SEC24B: variants seen among roughly 807,000 people sequenced by gnomAD.
SEC24B encodes the protein SEC24 homolog B, COPII component.
In SEC24B, 45 loss-of-function variants were observed where a neutral mutation model predicts 142.8. The ratio of observed to expected loss-of-function variants is 0.32; its 90% CI spans 0.25 to 0.40. The LOEUF is 0.40. Ranked by LOEUF, SEC24B falls within the 10% of genes least tolerant of loss-of-function variation. The pLI is 1.00. For synonymous variants in SEC24B, 574 were observed against 568.2 expected (o/e 1.01, Z -0.15); for missense variants, 1,409 against 1,526.8 (o/e 0.92, Z 1.29).
At chr4:109,493,683 C>T (rs933005165) in intron 5 of SEC24B, among the ~76,000 whole-genome samples, 1 of 150,654 alleles carries the variant, frequency 6.6e-6, no homozygotes, top group African/African-American at 2.5e-5. Flanking sequence ...GGCTGGAGTG[C>T]AATGGCGCAA....
intron 2 of SEC24B, among the ~76,000 whole-genome samples, chr4:109,464,272 T>C (rs1454368023): frequency 3.3e-5 from 5 of 151,938 alleles, no homozygotes; most frequent in African/African-American, 9.7e-5. Flanking sequence ...TTAAAAATTA[T>C]GTATGTAAGA....
intron 1 of SEC24B, among the ~76,000 whole-genome samples, chr4:109,455,552 T>C (rs1336622006): frequency 1.3e-5 from 2 of 152,224 alleles, no homozygotes; most frequent in Admixed American, 6.5e-5. Flanking sequence ...GTGATTCATT[T>C]TGACTTAATT....
chr4:109,461,385 A>G (rs557161118), intron 1 of SEC24B, among the ~76,000 whole-genome samples: 1 of 152,346 alleles, frequency 6.6e-6, no homozygotes, highest in African/African-American at 2.4e-5. Context: ...AATTTGTCTT[A>G]TAGCTTCATC....
chr4:109,473,238 A>G (rs1403897981), intron 3 of SEC24B, 52 bp downstream of exon 3: 4 of 1,239,982 alleles, frequency 3.2e-6, no homozygotes, highest in African/African-American at 1.6e-5. Context: ...ATACGTATTT[A>G]TAGAAGATAT....
intron 2 of SEC24B, among the ~76,000 whole-genome samples, chr4:109,466,535 C>T (rs972997804): frequency 3.3e-5 from 5 of 152,116 alleles, no homozygotes; most frequent in East Asian, 3.9e-4. Context: ...CTCAGCCTGC[C>T]GAGTAGCTGG....
chr4:109,486,454 C>T (rs1208927254), intron 4 of SEC24B, among the ~76,000 whole-genome samples: 1 of 152,198 alleles, frequency 6.6e-6, no homozygotes, highest in Non-Finnish European at 1.5e-5. Flanking sequence ...ATACTCTTCT[C>T]TAGCTTCAAG....
chr4:109,442,578 A>G (rs975216685), intron 1 of SEC24B, among the ~76,000 whole-genome samples: 10 of 152,146 alleles, frequency 6.6e-5, no homozygotes, highest in Admixed American at 2.0e-4. Context: ...TGTTCAGATA[A>G]TGGAAACTGA....
intron 17 of SEC24B, among the ~76,000 whole-genome samples, chr4:109,526,653 C>A (rs913863498): frequency 6.6e-6 from 1 of 152,072 alleles, no homozygotes; most frequent in African/African-American, 2.4e-5. Context: ...ATGCTAAATC[C>A]AGCTATGCCA....
intron 21 of SEC24B, 100 bp from the exon 22 acceptor site, chr4:109,533,493 T>C (rs1725157720): frequency 1.3e-6 from 1 of 773,012 alleles, no homozygotes; most frequent in Non-Finnish European, 2.3e-6. Flanking sequence ...TTTACTCTTC[T>C]GTTTGTTTCT....
intron 14 of SEC24B, among the ~76,000 whole-genome samples, chr4:109,522,248 TCA>T (rs1312398503): frequency 6.6e-6 from 1 of 151,872 alleles, no homozygotes; most frequent in East Asian, 1.9e-4. Context: ...AGACAGGGTT[TCA>T]CAGTGTTAAC....
intron 1 of SEC24B, among the ~76,000 whole-genome samples, chr4:109,445,877 T>C (rs1377028602): frequency 2.6e-5 from 4 of 152,144 alleles, no homozygotes; most frequent in Admixed American, 2.6e-4. Flanking sequence ...CAGCCTGTTT[T>C]AGTTTTTCAG....
intron 1 of SEC24B, 100 bp downstream of exon 1, chr4:109,434,102 G>GGGGCC: frequency 1.2e-6 from 1 of 825,736 alleles, no homozygotes; most frequent in Non-Finnish European, 1.5e-6. Flanking sequence ...AAGGGCGTTC[G>GGGGCC]GGGCCAGGCC....
intron 15 of SEC24B, 49 bp downstream of exon 15, chr4:109,524,990 G>A (rs1007292654): frequency 8.0e-6 from 12 of 1,508,706 alleles, no homozygotes; most frequent in Non-Finnish European, 1.1e-5. Context: ...CATTTTTAAT[G>A]CATAATTAAA....
At chr4:109,443,263 G>A (rs1180061230) in intron 1 of SEC24B, among the ~76,000 whole-genome samples, 1 of 152,154 alleles carries the variant, frequency 6.6e-6, no homozygotes, top group Admixed American at 6.5e-5. Context: ...TGTGTTATCT[G>A]AGACAAATTC....
intron 20 of SEC24B, 84 bp downstream of exon 20, chr4:109,531,606 C>A: frequency 2.9e-6 from 3 of 1,031,338 alleles, no homozygotes; most frequent in Non-Finnish European, 4.3e-6. Flanking sequence ...AATATACTAT[C>A]AACTGGTTTT....
At chr4:109,434,177 G>A (rs1347541186) in intron 1 of SEC24B, among the ~76,000 whole-genome samples, 175 bp downstream of exon 1, 8 of 151,276 alleles carry the variant, frequency 5.3e-5, no homozygotes. Flanking sequence ...TGCGGGTAGG[G>A]GGCAGGGAAG....
At chr4:109,511,521 TA>T (rs1203499121) in intron 8 of SEC24B, among the ~76,000 whole-genome samples, 1 of 152,216 alleles carries the variant, frequency 6.6e-6, no homozygotes, top group African/African-American at 2.4e-5. Flanking sequence ...CATAGAGATG[TA>T]ATTTTTTTTA....
chr4:109,521,689 A>G lies in SEC24B; in HGVS notation c.2508+63A>G, dbSNP rs1486656251. 12 of 1,215,852 alleles carry G rather than the reference A, an allele frequency of 9.9e-6. No homozygotes were observed. In the South Asian group the frequency reaches 1.0e-4, roughly 10 times the overall value. The allele number at this position is 1,215,852 out of a possible 1,614,324, so 75.3% of individuals were successfully genotyped here. A position where few individuals can be genotyped will look rare whatever the true frequency, so the allele number is the denominator to read the frequency against. The stretch of plus-strand genomic sequence containing the variant: ...TGTAATTATTTGTTTATTCTATTTC[A>G]TTAATAATAAAATACTGGCAAGAGA... On this transcript the variant is annotated intron_variant, in intron 14 of 23. Transcript: ENST00000265175.
chr4:109,536,642 G>T (rs1725569649), intron 22 of SEC24B, among the ~76,000 whole-genome samples: 1 of 152,074 alleles, frequency 6.6e-6, no homozygotes. Context: ...CCATTCTCCT[G>T]CCTCAGTCTC....
Sources: gnomAD v4.1 joint callset for allele counts (sites outside exome capture counted in the v4.1 genomes callset) on GRCh38, gnomAD v4.1.1 for gene constraint, MANE v1.5 for transcripts, NCBI Gene and HGNC (gene_info 2026-07-23, HGNC 2026-07-21) for gene names.